NDUFA8: variants seen among roughly 807,000 people sequenced by gnomAD.
NDUFA8 encodes the protein NADH:ubiquinone oxidoreductase subunit A8.
Under a neutral mutation model 20.9 loss-of-function variants are expected in NDUFA8, and 16 were observed. The observed-to-expected ratio is 0.77, with a 90% CI of 0.52 to 1.16. NDUFA8 has a LOEUF of 1.16. Ranked by LOEUF, NDUFA8 falls within the 50% of genes most tolerant of loss-of-function variation. The pLI is 0.00. For missense variants in NDUFA8, 202 were observed against 216.4 expected (o/e 0.93, Z 0.42); for synonymous variants, 70 against 76.1 (o/e 0.92, Z 0.41).
At chr9:122,143,372 G>C (rs1399429800), downstream of NDUFA8, among the ~76,000 whole-genome samples, 1 of 152,122 alleles carries the variant, frequency 6.6e-6, no homozygotes, top group Non-Finnish European at 1.5e-5. Context: ...AAAAAGAATT[G>C]AATGAAAGGG....
At chr9:122,137,773 A>G in the NDUFA8 span, among the ~76,000 whole-genome samples, 1 of 152,164 alleles carries the variant, frequency 6.6e-6, no homozygotes, top group Non-Finnish European at 1.5e-5. Context: ...TGTTTCATAT[A>G]TTTCTTGACT....
At chr9:122,150,480 T>C (rs923039781) in intron 2 of NDUFA8, among the ~76,000 whole-genome samples, 41 of 147,646 alleles carry the variant, frequency 2.8e-4, no homozygotes, top group East Asian at 1.8e-3. Context: ...AAGCCCTTTA[T>C]AGAGTAAACT....
Position 122,152,302 on chromosome 9 carries a change from G to A in NDUFA8, c.158C>T (p.Pro53Leu), listed in dbSNP as rs768617042. The change falls in exon 2 of 4, where the codon CCG becomes CTG. Residue 53 changes from proline to leucine, a missense_variant. Physicochemically the swap from Pro to Leu is moderately conservative, Grantham distance 98. Transcript: ENST00000373768. ...TTTGCCTTCCTCTAAACACCGCCTC[G>A]GATCTTTCTCTTCCCAGCGGCAGAG... ...FMLCRWEEKD[P>L]RRCLEEGKLV... 22 of 1,613,968 alleles carry A rather than the reference G, an allele frequency of 1.4e-5. No homozygotes were observed. The highest frequency in any genetic ancestry group is 3.3e-5 in the South Asian group (3 of 91,078).
intron 1 of NDUFA8, among the ~76,000 whole-genome samples, chr9:122,152,807 G>A (rs1311006677): frequency 3.3e-5 from 5 of 152,118 alleles, no homozygotes; most frequent in Admixed American, 2.6e-4. Context: ...CTCATGAAGA[G>A]ATTAATATTC....
rs1028712416 is a variant in NDUFA8 at position 122,151,216 on chromosome 9, T to C, written c.215+1029A>G. ...GTAGTGGACATCGGTGGTTTCTGCC[T>C]AGCCAGCAGTCATTCCCCATTCTTC... On this transcript the variant is annotated intron_variant, in intron 2 of 3. Transcript: ENST00000373768. 9.8e-5 allele frequency among the ~76,000 whole-genome samples: 15 copies of C among 152,306 alleles called. No homozygotes were observed. The South Asian group carries it at 1.2e-3, about 13-fold the overall frequency.
downstream of NDUFA8, among the ~76,000 whole-genome samples, chr9:122,139,976 A>AG (rs1176979521): frequency 7.9e-5 from 12 of 152,316 alleles, no homozygotes; most frequent in African/African-American, 2.9e-4. Flanking sequence ...TACAGGCGTG[A>AG]GCCACCGCGC....
downstream of NDUFA8, among the ~76,000 whole-genome samples, chr9:122,141,412 CAGTG>C (rs1469518495): frequency 3.9e-5 from 6 of 152,102 alleles, no homozygotes; most frequent in African/African-American, 1.4e-4. Flanking sequence ...AGGAAAGTGA[CAGTG>C]AGATAAAACA....
chr9:122,151,283 T>C (rs1258257554), intron 2 of NDUFA8, among the ~76,000 whole-genome samples: 1 of 152,180 alleles, frequency 6.6e-6, no homozygotes. Context: ...AACCCCTCCC[T>C]GTCTCTCAGC....
At chr9:122,135,452 G>T in the NDUFA8 span, among the ~76,000 whole-genome samples, 1 of 152,142 alleles carries the variant, frequency 6.6e-6, no homozygotes, top group African/African-American at 2.4e-5. Flanking sequence ...TGCATGGCCT[G>T]GGCGAGACAC....
the NDUFA8 span, among the ~76,000 whole-genome samples, chr9:122,137,383 AG>A: frequency 3.1e-3 from 467 of 151,842 alleles, 4 homozygotes; most frequent in Admixed American, 9.6e-3. Context: ...CTGGGATTAC[AG>A]GTGTGCACCA....
chr9:122,134,221 T>A, the NDUFA8 span, among the ~76,000 whole-genome samples: 1 of 152,196 alleles, frequency 6.6e-6, no homozygotes, highest in African/African-American at 2.4e-5. Flanking sequence ...TCAATTCACC[T>A]TTTCCAAATG....
At chr9:122,141,773 A>T (rs1828824187), downstream of NDUFA8, among the ~76,000 whole-genome samples, 2 of 152,196 alleles carry the variant, frequency 1.3e-5, no homozygotes, top group South Asian at 4.1e-4. Flanking sequence ...ACTTGTTGTG[A>T]GAGACTTAAG....
intron 1 of NDUFA8, among the ~76,000 whole-genome samples, chr9:122,154,236 G>A (rs941289161): frequency 2.0e-5 from 3 of 152,210 alleles, no homozygotes; most frequent in Non-Finnish European, 4.4e-5. Flanking sequence ...ACCCAAAATA[G>A]TGTCTAGCAC....
chr9:122,138,151 T>C, the NDUFA8 span, among the ~76,000 whole-genome samples: 1 of 152,206 alleles, frequency 6.6e-6, no homozygotes, highest in African/African-American at 2.4e-5. Flanking sequence ...AACAGTATTA[T>C]CATTTTCTTT....
chr9:122,140,276 C>A (rs1828800350), downstream of NDUFA8, among the ~76,000 whole-genome samples: 1 of 152,148 alleles, frequency 6.6e-6, no homozygotes, highest in African/African-American at 2.4e-5. Context: ...TGACACACAT[C>A]ACAAATAATC....
intron 3 of NDUFA8, among the ~76,000 whole-genome samples, chr9:122,146,030 T>G (rs1398850243): frequency 6.6e-6 from 1 of 151,828 alleles, no homozygotes; most frequent in African/African-American, 2.4e-5. Context: ...GTGCCTGTAA[T>G]CCCAGCTACT....
At chr9:122,137,498 C>T in the NDUFA8 span, among the ~76,000 whole-genome samples, 3 of 152,134 alleles carry the variant, frequency 2.0e-5, no homozygotes, top group African/African-American at 7.2e-5. Context: ...GCCCTGGCCT[C>T]CCAAAGTGCT....
At chr9:122,136,840 C>A in the NDUFA8 span, among the ~76,000 whole-genome samples, 1 of 152,210 alleles carries the variant, frequency 6.6e-6, no homozygotes, top group Non-Finnish European at 1.5e-5. Flanking sequence ...CAGGCGTGAG[C>A]CACCGCGCCC....
chr9:122,150,410 C>CAAAAAAAAAAAAAAAA, intron 2 of NDUFA8, among the ~76,000 whole-genome samples: 1 of 19,654 alleles, frequency 5.1e-5, no homozygotes, highest in Non-Finnish European at 1.4e-4. Flanking sequence ...CACCCCATCA[C>CAAAAAAAAAAAAAAAA]AAAAAAAAAA....
Sources: gnomAD v4.1 joint callset for allele counts (sites outside exome capture counted in the v4.1 genomes callset) on GRCh38, gnomAD v4.1.1 for gene constraint, MANE v1.5 for transcripts, NCBI Gene and HGNC (gene_info 2026-07-23, HGNC 2026-07-21) for gene names.